SHISA3: variants seen among roughly 807,000 people sequenced by gnomAD.
The protein encoded by SHISA3 is shisa family member 3.
Under a neutral mutation model 19.2 loss-of-function variants are expected in SHISA3, and 15 were observed. That is an observed-to-expected ratio of 0.78 (90% CI 0.52 to 1.20). SHISA3 has a LOEUF of 1.20. Ranked by LOEUF, SHISA3 falls within the 50% of genes most tolerant of loss-of-function variation. The pLI, the probability that SHISA3 is intolerant of heterozygous loss-of-function variation, is 0.00. For missense variants in SHISA3, 327 were observed against 315.7 expected, an observed-to-expected ratio of 1.04 and a Z score of -0.27; for synonymous variants, 145 against 135.2, an observed-to-expected ratio of 1.07 and a Z score of -0.50.
intron 1 of SHISA3, 148 bp downstream of exon 1, chr4:42,398,481 G>C (rs1217490756): frequency 3.7e-6 from 3 of 821,910 alleles, no homozygotes; most frequent in Admixed American, 6.0e-5. Context: ...GGGAATCAAG[G>C]GATGAGTGGG....
intron 1 of SHISA3, among the ~76,000 whole-genome samples, 182 bp downstream of exon 1, chr4:42,398,515 C>T (rs1313495992): frequency 6.6e-6 from 1 of 152,194 alleles, no homozygotes; most frequent in Middle Eastern, 3.2e-3. Flanking sequence ...GATCATGGTC[C>T]TCTATTCATT....
intron 1 of SHISA3, 78 bp from the exon 2 acceptor site, chr4:42,400,934 C>A: frequency 2.1e-6 from 3 of 1,461,464 alleles, no homozygotes; most frequent in Non-Finnish European, 2.8e-6. Context: ...ACCTCTCAAC[C>A]CTCAGCTGCC....
Position 42,401,394 on chromosome 4 carries a change from C to T in SHISA3, c.660C>T (p.Pro220=), listed in dbSNP as rs112307998. The change falls in exon 2 of 2, where the codon CCC becomes CCT. Residue 220 remains proline (P), a synonymous_variant. Coordinates refer to ENST00000319234, the MANE Select transcript of SHISA3 (RefSeq NM_001080505.3). ...FLVSPQYFAY[P]LQQEPPLPGK... ...TGTCACCCCAGTATTTCGCTTACCCCCTCCAGCAGGAGCCCCCACTGCCTG... is the reference window on the plus strand; with the variant it reads ...TGTCACCCCAGTATTTCGCTTACCCTCTCCAGCAGGAGCCCCCACTGCCTG... 9.9e-6 allele frequency: 16 copies of T among 1,609,072 alleles called. No homozygotes were observed. The African/African-American group carries it at 1.5e-4, about 15-fold the overall frequency.
chr4:42,398,760 C>T (rs1039396776), intron 1 of SHISA3, among the ~76,000 whole-genome samples: 4 of 152,180 alleles, frequency 2.6e-5, no homozygotes, highest in Non-Finnish European at 5.9e-5. Flanking sequence ...GTGCCGAATG[C>T]AGGGAATCGC....
In SHISA3 at chr4:42,401,055, T is replaced by C. The variant is rs1180533781; in HGVS notation, c.321T>C (p.Ile107=). ...TTCTCATCGTCGGCTCCATCTTCAT[T>C]GCGTTCATCATCCTGGGCTCTGTAG... ...VPFLIVGSIF[I]AFIILGSVVA... Residue 107 remains isoleucine (I), a synonymous_variant, in exon 2 of 2, where the codon ATT becomes ATC. Transcript: ENST00000319234. 2 of 1,614,068 alleles carry C rather than the reference T, an allele frequency of 1.2e-6. No homozygotes were observed. Among genetic ancestry groups the C allele is most frequent in the African/African-American group, 2.7e-5 (2 of 74,918 alleles).
At chr4:42,398,868 C>T (rs946086817) in intron 1 of SHISA3, among the ~76,000 whole-genome samples, 2 of 152,108 alleles carry the variant, frequency 1.3e-5, no homozygotes, top group Non-Finnish European at 2.9e-5. Context: ...GCCACGGCCC[C>T]GTTCTGCAGA....
chr4:42,400,908 A>G, intron 1 of SHISA3, 104 bp from the exon 2 acceptor site: 1 of 1,146,710 alleles, frequency 8.7e-7, no homozygotes. Flanking sequence ...CAGCAGTGAT[A>G]GTAACTGAGT....
intron 1 of SHISA3, among the ~76,000 whole-genome samples, chr4:42,400,047 G>T (rs1397638087): frequency 6.6e-6 from 1 of 152,230 alleles, no homozygotes; most frequent in African/African-American, 2.4e-5. Context: ...GTCTCCAAGA[G>T]ACTTTAATCA....
chr4:42,400,000 A>G (rs560612719), intron 1 of SHISA3, among the ~76,000 whole-genome samples: 1 of 152,356 alleles, frequency 6.6e-6, no homozygotes, highest in South Asian at 2.1e-4. Context: ...GTATTTCCAC[A>G]TCTGGAAAAT....
Position 42,401,278 on chromosome 4 carries a change from A to G in SHISA3, c.544A>G (p.Arg182Gly). ...GGSIRRFSFA[R>G]AEPGCLVPSP... is the part of the protein sequence containing the mutation. ...CTCCATCCGCAGGTTCTCCTTTGCCAGGGCTGAGCCGGGCTGCCTGGTGCC... is the reference window on the plus strand; with the variant it reads ...CTCCATCCGCAGGTTCTCCTTTGCCGGGGCTGAGCCGGGCTGCCTGGTGCC... Residue 182 changes from arginine (R) to glycine (G), a missense_variant, in exon 2 of 2, where the codon AGG (arginine) becomes GGG (glycine). By Grantham distance (125) the Arg-to-Gly change is moderately radical. Transcript: ENST00000319234. 6.2e-7 allele frequency: 1 copy of G among 1,614,130 alleles called. No individual in the cohort carries two copies. Among genetic ancestry groups the G allele is most frequent in the Non-Finnish European group, 8.5e-7 (1 of 1,180,014 alleles).
At position 42,401,668 on chromosome 4, in the gene SHISA3, G is replaced by A. The variant is rs1711928701; in HGVS notation, c.*217G>A. 1 of 518,312 alleles carries A rather than the reference G, an allele frequency of 1.9e-6. No homozygotes were observed. The highest frequency in any genetic ancestry group is 3.7e-5 in the Admixed American group (1 of 27,382). The allele number at this position is 518,312 out of a possible 1,614,324, so 32.1% of individuals were successfully genotyped here. On this transcript the variant is annotated 3_prime_UTR_variant, in exon 2 of 2. Coordinates refer to ENST00000319234, the MANE Select transcript of SHISA3 (RefSeq NM_001080505.3). ...CTGTTTTCTGGTTTTGCAAACATGT[G>A]ATCATTACATTTCAATCTATGCTAC...
At chr4:42,399,028 G>A (rs982598077) in intron 1 of SHISA3, among the ~76,000 whole-genome samples, 1 of 152,094 alleles carries the variant, frequency 6.6e-6, no homozygotes, top group South Asian at 2.1e-4. Context: ...GGAAAACACG[G>A]GTCAAATTTC....
At chr4:42,400,588 A>G (rs1173476967) in intron 1 of SHISA3, among the ~76,000 whole-genome samples, 1 of 152,144 alleles carries the variant, frequency 6.6e-6, no homozygotes, top group Non-Finnish European at 1.5e-5. Flanking sequence ...TGAATGGGAG[A>G]TGGATTGCCA....
Position 42,398,313 on chromosome 4 carries a change from A to G in SHISA3, c.257A>G (p.Glu86Gly), listed in dbSNP as rs759301504. The change falls in exon 1 of 2, where the codon GAG (glutamate) becomes GGG (glycine). Residue 86 changes from glutamate to glycine, a missense_variant. Physicochemically the swap from Glu to Gly is moderately conservative, Grantham distance 98. Transcript: ENST00000319234. ...GGCTNDRREL[E>G]HPGITAQPVY... Reference sequence around the variant, plus strand: ...TGCACCAACGACCGCCGCGAACTGGAGCACCCAGGCATCACTGCGCGTAAG... The same window carrying G: ...TGCACCAACGACCGCCGCGAACTGGGGCACCCAGGCATCACTGCGCGTAAG... The G allele has an allele frequency of 3.2e-6, 5 of 1,559,750 alleles. No individual in the cohort carries two copies. The Admixed American group carries it at 5.6e-5, about 18-fold the overall frequency.
chr4:42,401,523 C>T lies in SHISA3; in HGVS notation c.*72C>T. ...GGAGCCCTGCTCCCATTGCCACATGCAATTCTGAGAAAATTTCCCTTGTAA... is the reference window on the plus strand; with the variant it reads ...GGAGCCCTGCTCCCATTGCCACATGTAATTCTGAGAAAATTTCCCTTGTAA... On this transcript the variant is annotated 3_prime_UTR_variant, in exon 2 of 2. Transcript: ENST00000319234. 1 of 1,474,822 alleles carries T rather than the reference C, an allele frequency of 6.8e-7. No individual in the cohort carries two copies. The highest frequency in any genetic ancestry group is 9.1e-7 in the Non-Finnish European group (1 of 1,096,526). The allele number at this position is 1,474,822 out of a possible 1,614,324, so 91.4% of individuals were successfully genotyped here.
intron 1 of SHISA3, among the ~76,000 whole-genome samples, chr4:42,400,456 T>C (rs990386856): frequency 1.3e-5 from 2 of 151,674 alleles, no homozygotes; most frequent in Admixed American, 1.3e-4. Flanking sequence ...ACACAGTCGA[T>C]TGGGGCCCTC....
rs1016402031 is a variant in SHISA3, at chr4:42,398,231, T to G, written c.175T>G (p.Ser59Ala). The G allele has an allele frequency of 3.2e-6, 5 of 1,585,224 alleles. No homozygotes were observed. The African/African-American group carries it at 6.7e-5, about 21-fold the overall frequency. ...GCTGGACGCTACCATCTGCTGCGGC[T>G]CCTGCGCGCTCCGCTACTGTTGCGC... ...DTLDATICCGSCALRYCCAAA... is the reference protein window; with the variant it reads ...DTLDATICCGACALRYCCAAA... Residue 59 changes from serine to alanine, a missense_variant, in exon 1 of 2, where the codon TCC (serine) becomes GCC (alanine). Ser to Ala is a moderately conservative substitution (Grantham distance 99). Coordinates refer to ENST00000319234, the MANE Select transcript of SHISA3 (RefSeq NM_001080505.3).
intron 1 of SHISA3, 46 bp downstream of exon 1, chr4:42,398,379 G>C (rs983658461): frequency 2.7e-6 from 4 of 1,483,660 alleles, no homozygotes; most frequent in South Asian, 2.7e-5. Flanking sequence ...GCCTAACGGC[G>C]GCGGCTGCAT....
In SHISA3 at chr4:42,401,378, A is replaced by G. The variant is rs200687748; in HGVS notation, c.644A>G (p.Gln215Arg). The change falls in exon 2 of 2, where the codon CAG becomes CGG. Residue 215 changes from glutamine to arginine, a missense_variant. Coordinates refer to ENST00000319234, the MANE Select transcript of SHISA3 (RefSeq NM_001080505.3). ...CCATCTGGTTTCCTGGTGTCACCCC[A>G]GTATTTCGCTTACCCCCTCCAGCAG... ...AQPSGFLVSP[Q>R]YFAYPLQQEP... 303 of 1,613,682 alleles carry G rather than the reference A, an allele frequency of 1.9e-4. No homozygotes were observed. Among genetic ancestry groups the G allele is most frequent in the Non-Finnish European group, 2.3e-4 (271 of 1,179,818 alleles).
Sources: gnomAD v4.1 joint callset for allele counts (sites outside exome capture counted in the v4.1 genomes callset) on GRCh38, gnomAD v4.1.1 for gene constraint, MANE v1.5 for transcripts, NCBI Gene and HGNC (gene_info 2026-07-23, HGNC 2026-07-21) for gene names.